CSMD1: variants seen among roughly 807,000 people sequenced by gnomAD.
CSMD1 encodes CUB and sushi domain-containing protein 1.
CSMD1 carries 213 observed loss-of-function variants against 417.5 expected under a neutral mutation model. The observed-to-expected ratio is 0.51, with a 90% confidence interval of 0.46 to 0.57. The LOEUF is 0.57. Ranked by LOEUF, CSMD1 falls within the 20% of genes least tolerant of loss-of-function variation. CSMD1 has a pLI of 0.00. For synonymous variants in CSMD1, 2,862 were observed against 1,736.8 expected (o/e 1.65, Z -16.11); for missense variants, 6,923 against 4,529.7 (o/e 1.53, Z -15.17).
chr8:4,866,948 C>A lies in CSMD1; in HGVS notation c.85+127384G>T, dbSNP rs1020933970. Among the ~76,000 whole-genome samples the A allele has an allele frequency of 3.3e-5, 5 of 151,930 alleles. No homozygotes were observed. In the East Asian group the frequency reaches 7.7e-4, roughly 23 times the overall value. ...AAAACCACAATTACTTTTGCACCAA[C>A]CTATATGGAACAATCTTAAATACTA... On this transcript the variant is annotated intron_variant, in intron 1 of 69. Coordinates refer to ENST00000635120, the MANE Select transcript of CSMD1 (RefSeq NM_033225.6).
intron 4 of CSMD1, among the ~76,000 whole-genome samples, chr8:4,016,432 A>G (rs74361609): frequency 1.6e-3 from 243 of 152,234 alleles, no homozygotes; most frequent in Middle Eastern, 3.4e-3. Context: ...AGCTGCACTG[A>G]GCCTGTCTCT....
Position 3,408,174 on chromosome 8 carries a change from T to G in CSMD1, c.1796A>C (p.Asn599Thr). Residue 599 changes from asparagine (N) to threonine (T), a missense_variant, in exon 14 of 70, where the codon AAT becomes ACT. Physicochemically the swap from Asn to Thr is moderately conservative, Grantham distance 65. Transcript: ENST00000635120. Reference protein sequence around the residue: ...TASSGIILSPNYPEEYGNNMN... With the variant: ...TASSGIILSPTYPEEYGNNMN... The stretch of plus-strand genomic sequence containing the variant: ...GTTGTTCCCATATTCCTCTGGATAA[T>G]TTGGTGACAGAATAATCCCAGATGA... The G allele has an allele frequency of 1.2e-6, 2 of 1,612,604 alleles. No individual in the cohort carries two copies. Among genetic ancestry groups the G allele is most frequent in the Non-Finnish European group, 8.5e-7 (1 of 1,179,170 alleles).
intron 6 of CSMD1, among the ~76,000 whole-genome samples, chr8:3,714,045 T>TAGATAGATAAAC (rs1801679253): frequency 6.6e-6 from 1 of 151,346 alleles, no homozygotes; most frequent in African/African-American, 2.4e-5. Flanking sequence ...GATAGATAGA[T>TAGATAGATAAAC]AGATAGATAG....
At chr8:4,888,204 A>C (rs1488316787) in intron 1 of CSMD1, among the ~76,000 whole-genome samples, 4 of 152,092 alleles carry the variant, frequency 2.6e-5, no homozygotes, top group Non-Finnish European at 5.9e-5. Context: ...GAAGTATAAT[A>C]AAAGAAAGAA....
At chr8:3,927,812 T>G (rs1428916865) in intron 5 of CSMD1, among the ~76,000 whole-genome samples, 1 of 152,200 alleles carries the variant, frequency 6.6e-6, no homozygotes, top group African/African-American at 2.4e-5. Context: ...GTTTTAAATT[T>G]AAAAATATGT....
At chr8:4,123,862 G>A (rs919593740) in intron 3 of CSMD1, among the ~76,000 whole-genome samples, 23 of 152,116 alleles carry the variant, frequency 1.5e-4, no homozygotes, top group African/African-American at 5.3e-4. Flanking sequence ...CTTTCAACGA[G>A]ATACACATTC....
chr8:3,416,844 A>T (rs1381902326), intron 12 of CSMD1, among the ~76,000 whole-genome samples: 1 of 152,248 alleles, frequency 6.6e-6, no homozygotes. Context: ...TGACAGCTTT[A>T]TCAGGTTCTT....
At chr8:3,091,820 G>T (rs1464951082) in intron 47 of CSMD1, among the ~76,000 whole-genome samples, 158 bp from the exon 48 acceptor site, 1 of 152,078 alleles carries the variant, frequency 6.6e-6, no homozygotes, top group Non-Finnish European at 1.5e-5. Context: ...TATAGTGACA[G>T]ATATATTTTC....
intron 5 of CSMD1, among the ~76,000 whole-genome samples, chr8:3,782,456 G>A (rs955975801): frequency 6.6e-6 from 1 of 152,130 alleles, no homozygotes; most frequent in African/African-American, 2.4e-5. Flanking sequence ...CAGTAATGAC[G>A]CATAACATGT....
chr8:4,816,645 G>A (rs749097969), intron 1 of CSMD1, among the ~76,000 whole-genome samples: 6 of 152,156 alleles, frequency 3.9e-5, no homozygotes, highest in Non-Finnish European at 8.8e-5. Context: ...CGACCGTATG[G>A]CTCTACAATT....
At chr8:4,508,325 G>C (rs1168771435) in intron 2 of CSMD1, among the ~76,000 whole-genome samples, 4 of 151,902 alleles carry the variant, frequency 2.6e-5, no homozygotes, top group Non-Finnish European at 4.4e-5. Context: ...TTTCCTTCGA[G>C]AAAACTACAG....
chr8:4,690,216 T>C (rs1377487947), intron 1 of CSMD1, among the ~76,000 whole-genome samples: 3 of 152,232 alleles, frequency 2.0e-5, no homozygotes, highest in African/African-American at 7.2e-5. Flanking sequence ...TGCATGATTT[T>C]AGGCTGTGAA....
At chr8:4,702,614 T>C (rs1807648723) in intron 1 of CSMD1, among the ~76,000 whole-genome samples, 1 of 152,180 alleles carries the variant, frequency 6.6e-6, no homozygotes, top group Admixed American at 6.5e-5. Context: ...TGAACCTCAT[T>C]ACCAGTCCAG....
At chr8:3,806,058 T>G (rs1232172702) in intron 5 of CSMD1, among the ~76,000 whole-genome samples, 1 of 152,176 alleles carries the variant, frequency 6.6e-6, no homozygotes, top group African/African-American at 2.4e-5. Flanking sequence ...GGATTTTAAT[T>G]TATAATTGGA....
intron 8 of CSMD1, among the ~76,000 whole-genome samples, chr8:3,608,680 C>A (rs913103981): frequency 6.6e-6 from 1 of 150,522 alleles, no homozygotes; most frequent in Admixed American, 6.7e-5. Context: ...AGGAGAATTG[C>A]TTGAACTTGA....
intron 5 of CSMD1, among the ~76,000 whole-genome samples, chr8:3,833,071 G>A (rs891681371): frequency 4.6e-5 from 7 of 152,098 alleles, no homozygotes; most frequent in South Asian, 2.1e-4. Context: ...CTGTTTGAAT[G>A]TTTCTGATTT....
intron 21 of CSMD1, among the ~76,000 whole-genome samples, chr8:3,352,117 G>T (rs190748341): frequency 6.6e-6 from 1 of 152,116 alleles, no homozygotes; most frequent in African/African-American, 2.4e-5. Context: ...CACCGCAGCC[G>T]TGTTGGCATC....
intron 10 of CSMD1, among the ~76,000 whole-genome samples, chr8:3,494,244 GT>G (rs201579571): frequency 0.017 from 2,575 of 152,104 alleles, 72 homozygotes; most frequent in African/African-American, 0.058. Flanking sequence ...TTTTTTGTTT[GT>G]TTTTTTACAA....
chr8:4,442,405 T>C (rs1460231357), intron 2 of CSMD1, among the ~76,000 whole-genome samples: 1 of 152,128 alleles, frequency 6.6e-6, no homozygotes, highest in Non-Finnish European at 1.5e-5. Flanking sequence ...ACGTTTCCAG[T>C]CCCCACTGTA....
Sources: allele counts gnomAD v4.1 joint callset (sites outside exome capture counted in the v4.1 genomes callset), GRCh38; gene constraint gnomAD v4.1.1; transcripts MANE v1.5; gene names NCBI Gene and HGNC (gene_info 2026-07-23, HGNC 2026-07-21).